The following PCNX1 variants were observed in gnomAD, a reference collection of about 807,000 sequenced individuals.
PCNX1 encodes pecanex 1.
In PCNX1, 78 loss-of-function variants were observed where a neutral mutation model predicts 242.2. The ratio of observed to expected loss-of-function variants is 0.32; its 90% CI spans 0.27 to 0.39. PCNX1 has a LOEUF of 0.39. Among genes scored for constraint, PCNX1 ranks in the 10% least tolerant of loss-of-function variants. PCNX1 has a pLI of 1.00. For synonymous variants in PCNX1, 1,024 were observed against 1,032.9 expected (o/e 0.99, Z 0.17); for missense variants, 2,581 against 2,856.5 (o/e 0.90, Z 2.20).
chr14:71,039,932 T>A (rs1448455987), intron 19 of PCNX1, among the ~76,000 whole-genome samples: 1 of 152,158 alleles, frequency 6.6e-6, no homozygotes. Context: ...GGTATCCATG[T>A]TTCCATTTGG....
chr14:70,941,314 G>A lies in PCNX1; in HGVS notation c.154-5601G>A, dbSNP rs561594788. Among the ~76,000 whole-genome samples the A allele has an allele frequency of 1.1e-4, 17 of 152,254 alleles. No homozygotes were observed. The South Asian group carries it at 3.3e-3, about 30-fold the overall frequency. On this transcript the variant is annotated intron_variant, in intron 1 of 35. Transcript: ENST00000304743. ...TGACCTACAGTTGGGGTTTTGGTGTGGATGTCCTTTCTATTTGTTAGTTTT... is the reference window on the plus strand; with the variant it reads ...TGACCTACAGTTGGGGTTTTGGTGTAGATGTCCTTTCTATTTGTTAGTTTT...
At chr14:70,949,023 TGTG>T (rs556864781) in intron 2 of PCNX1, among the ~76,000 whole-genome samples, 28 of 146,084 alleles carry the variant, frequency 1.9e-4, no homozygotes, top group Middle Eastern at 4.6e-3. Flanking sequence ...ATAAATAAAA[TGTG>T]TGTGTATATA....
chr14:71,109,745 T>A lies in PCNX1; in HGVS notation c.6886-50T>A, dbSNP rs199596955. 3,653 of 1,599,996 alleles carry A rather than the reference T, an allele frequency of 2.3e-3. 6 individuals are homozygous for A. Among genetic ancestry groups the A allele is most frequent in the Admixed American group, 3.1e-3 (187 of 59,930 alleles). ...CTAGGTAGGGGTAAGAGTTTGTGAG[T>A]ATATTCCAGGTCTCCAGTGCTAACT... On this transcript the variant is annotated intron_variant, in intron 35 of 35. Transcript: ENST00000304743.
rs143398931 is a variant in PCNX1 at position 71,029,573 on chromosome 14, G to A, written c.3558+782G>A. Among the ~76,000 whole-genome samples, 340 of 152,310 alleles carry A rather than the reference G, an allele frequency of 2.2e-3. 2 individuals carry two copies. Among genetic ancestry groups the A allele is most frequent in the African/African-American group, 7.9e-3 (327 of 41,558 alleles). ...GCCAGCATGTTCAAGACAGTGTAAC[G>A]AAGGTTATGAAAACAGTTCTGTGGG... On this transcript the variant is annotated intron_variant, in intron 16 of 35. Coordinates refer to ENST00000304743, the MANE Select transcript of PCNX1 (RefSeq NM_014982.3).
At chr14:70,951,449 A>G (rs1470750577) in intron 2 of PCNX1, among the ~76,000 whole-genome samples, 12 of 152,010 alleles carry the variant, frequency 7.9e-5, no homozygotes. Context: ...ATCTCGGCTC[A>G]CTGCAACCTC....
chr14:71,035,917 C>A (rs2060517691), intron 18 of PCNX1, 148 bp from the exon 19 acceptor site: 2 of 567,960 alleles, frequency 3.5e-6, no homozygotes, highest in South Asian at 4.9e-5. Flanking sequence ...GTTAAAGTAT[C>A]AATGAAAACT....
At chr14:70,995,634 TGAAAAAA>T in intron 7 of PCNX1, 100 bp from the exon 8 acceptor site, 1 of 901,684 alleles carries the variant, frequency 1.1e-6, no homozygotes, top group Non-Finnish European at 1.7e-6. Context: ...TAGGTTATGT[TGAAAAAA>T]AGTGCCTTTT....
At chr14:71,055,399 T>A (rs2061155274) in intron 24 of PCNX1, 105 bp from the exon 25 acceptor site, 2 of 661,638 alleles carry the variant, frequency 3.0e-6, no homozygotes, top group African/African-American at 3.7e-5. Context: ...TTTCATAAAG[T>A]GATAACCTTT....
intron 1 of PCNX1, among the ~76,000 whole-genome samples, chr14:70,909,941 G>A (rs780046435): frequency 2.4e-4 from 37 of 151,724 alleles, no homozygotes; most frequent in Admixed American, 1.3e-4. Flanking sequence ...CATGCGGTTA[G>A]CATGACTGCT....
intron 19 of PCNX1, 46 bp from the exon 20 acceptor site, chr14:71,045,087 G>A: frequency 2.2e-6 from 3 of 1,348,906 alleles, no homozygotes; most frequent in Non-Finnish European, 2.0e-6. Context: ...TCTACAATGA[G>A]TCTCAAAATC....
chr14:70,930,044 T>C (rs1236139310), intron 1 of PCNX1, among the ~76,000 whole-genome samples: 2 of 152,166 alleles, frequency 1.3e-5, no homozygotes, highest in Non-Finnish European at 2.9e-5. Flanking sequence ...GTTGGGTTTT[T>C]TTCTTCATCC....
At chr14:71,039,778 A>G (rs985456821) in intron 19 of PCNX1, among the ~76,000 whole-genome samples, 5 of 152,294 alleles carry the variant, frequency 3.3e-5, no homozygotes, top group African/African-American at 1.2e-4. Context: ...TACAGTTGGA[A>G]GTCTAGAATG....
chr14:70,976,436 G>A (rs1307768672), intron 5 of PCNX1, among the ~76,000 whole-genome samples: 3 of 147,282 alleles, frequency 2.0e-5, no homozygotes, highest in Middle Eastern at 3.5e-3. Flanking sequence ...GCAGTGGTAC[G>A]ATCTCGGCTC....
chr14:70,950,082 CT>C (rs1644347256), intron 2 of PCNX1, among the ~76,000 whole-genome samples: 1 of 152,104 alleles, frequency 6.6e-6, no homozygotes, highest in Admixed American at 6.6e-5. Flanking sequence ...CATTGAAAGC[CT>C]TTGTTTATTC....
intron 24 of PCNX1, 60 bp from the exon 25 acceptor site, chr14:71,055,444 T>C (rs2061157093): frequency 2.0e-6 from 2 of 1,002,376 alleles, no homozygotes; most frequent in Non-Finnish European, 3.1e-6. Context: ...TTCCTCAGTC[T>C]AAATTGTTAA....
intron 11 of PCNX1, among the ~76,000 whole-genome samples, chr14:71,014,173 G>A (rs889174600): frequency 1.1e-4 from 17 of 152,192 alleles, no homozygotes; most frequent in African/African-American, 3.9e-4. Flanking sequence ...GAATACTCAG[G>A]AAGATATTTA....
intron 8 of PCNX1, among the ~76,000 whole-genome samples, chr14:71,004,439 A>G (rs951678562): frequency 6.6e-6 from 1 of 152,210 alleles, no homozygotes; most frequent in Non-Finnish European, 1.5e-5. Flanking sequence ...TTCAGTTTTC[A>G]TAGGAGCATG....
chr14:70,964,126 GCACA>G (rs1359148635), intron 3 of PCNX1, among the ~76,000 whole-genome samples: 3 of 152,102 alleles, frequency 2.0e-5, no homozygotes, highest in African/African-American at 7.2e-5. Flanking sequence ...GAGTGCAATG[GCACA>G]ATCTTGGCTC....
chr14:70,926,243 T>C (rs750428087), intron 1 of PCNX1, among the ~76,000 whole-genome samples: 74 of 152,294 alleles, frequency 4.9e-4, no homozygotes, highest in Non-Finnish European at 7.4e-4. Context: ...TATAAATGGA[T>C]TTCATTAAAC....
Sources: gnomAD v4.1 joint callset for allele counts (sites outside exome capture counted in the v4.1 genomes callset) on GRCh38, gnomAD v4.1.1 for gene constraint, MANE v1.5 for transcripts, NCBI Gene and HGNC (gene_info 2026-07-23, HGNC 2026-07-21) for gene names.